NCK1: variants seen among roughly 807,000 people sequenced by gnomAD.
NCK1 encodes the protein SH2/SH3 adapter protein NCK1.
NCK1 carries 19 observed loss-of-function variants against 36.6 expected under a neutral mutation model. The observed-to-expected ratio is 0.52, with a 90% CI of 0.36 to 0.76. The LOEUF (loss-of-function observed/expected upper bound fraction) is 0.76. Among genes scored for constraint, NCK1 ranks in the 30% least tolerant of loss-of-function variants. The pLI is 0.00. For synonymous variants in NCK1, 165 were observed against 156.0 expected, an observed-to-expected ratio of 1.06 and a Z score of -0.43; for missense variants, 358 against 445.6, an observed-to-expected ratio of 0.80 and a Z score of 1.77.
intron 2 of NCK1, among the ~76,000 whole-genome samples, chr3:136,933,525 C>G (rs541036844): frequency 6.6e-6 from 1 of 151,806 alleles, no homozygotes; most frequent in Admixed American, 6.6e-5. Flanking sequence ...GAAGTAAAGA[C>G]CAGTGGGTGG....
At chr3:136,877,528 T>G (rs1281471532) in intron 1 of NCK1, among the ~76,000 whole-genome samples, 1 of 152,160 alleles carries the variant, frequency 6.6e-6, no homozygotes, top group East Asian at 1.9e-4. Context: ...GAATGAAGGC[T>G]AAAAATAATT....
chr3:136,872,642 C>T (rs1246546987), intron 1 of NCK1, among the ~76,000 whole-genome samples: 4 of 152,196 alleles, frequency 2.6e-5, no homozygotes. Context: ...TTCATGGCAG[C>T]CCCTCCCATC....
chr3:136,895,384 TAAAATTGCCATACCACCTTTTTTAA>T lies in NCK1; in HGVS notation c.-18-32552_-18-32528del, dbSNP rs1420419239. ...GCAATAAAATTGTTTTGTCTGACAT[TAAAATTGCCATACCACCTTTTTTAA>T]AAAATTGCCATACCACCTTTTTTAA... On this transcript the variant is annotated intron_variant, in intron 1 of 3. Transcript: ENST00000481752. Among the ~76,000 whole-genome samples, 10 of 151,798 alleles carry T rather than the reference TAAAATTGCCATACCACCTTTTTTAA, an allele frequency of 6.6e-5. No individual in the cohort carries two copies. In the South Asian group the frequency reaches 8.3e-4, roughly 13 times the overall value.
intron 1 of NCK1, among the ~76,000 whole-genome samples, chr3:136,906,817 A>G (rs1939699046): frequency 6.6e-6 from 1 of 152,108 alleles, no homozygotes; most frequent in Admixed American, 6.5e-5. Context: ...GAATAGGTCC[A>G]ATCTCAGACC....
intron 1 of NCK1, among the ~76,000 whole-genome samples, chr3:136,923,808 A>G (rs752712322): frequency 6.6e-6 from 1 of 152,242 alleles, no homozygotes; most frequent in African/African-American, 2.4e-5. Context: ...AATGTTTTAC[A>G]TAATTATGAA....
At chr3:136,912,883 C>T (rs1421308940) in intron 1 of NCK1, among the ~76,000 whole-genome samples, 1 of 151,974 alleles carries the variant, frequency 6.6e-6, no homozygotes. Flanking sequence ...GTCTTGATAT[C>T]CTGGACTCAA....
intron 2 of NCK1, among the ~76,000 whole-genome samples, chr3:136,934,669 T>TC (rs1004245619): frequency 1.3e-5 from 2 of 152,052 alleles, no homozygotes; most frequent in Non-Finnish European, 2.9e-5. Context: ...TGCCCACCCT[T>TC]CCCCTTCAAG....
chr3:136,879,670 C>G (rs1021528307), intron 1 of NCK1, among the ~76,000 whole-genome samples: 2 of 152,102 alleles, frequency 1.3e-5, no homozygotes, highest in African/African-American at 4.8e-5. Flanking sequence ...CCATGGAATA[C>G]TATGCAGCCA....
chr3:136,925,514 T>A (rs574870004), intron 1 of NCK1, among the ~76,000 whole-genome samples: 127 of 152,276 alleles, frequency 8.3e-4, no homozygotes, highest in Non-Finnish European at 1.6e-3. Context: ...CATACTTACT[T>A]CCCTCCTGTT....
chr3:136,869,875 C>G (rs887636526), intron 1 of NCK1, among the ~76,000 whole-genome samples: 4 of 152,014 alleles, frequency 2.6e-5, no homozygotes, highest in African/African-American at 7.3e-5. Context: ...AACACTGATT[C>G]TCTTGTTTCT....
At chr3:136,863,083 G>A (rs539672253) in intron 1 of NCK1, among the ~76,000 whole-genome samples, 2 of 152,068 alleles carry the variant, frequency 1.3e-5, no homozygotes, top group East Asian at 3.9e-4. Context: ...GTTTTGTTCA[G>A]GGGTGAGGAC....
intron 1 of NCK1, among the ~76,000 whole-genome samples, chr3:136,883,026 C>T (rs1397910459): frequency 6.6e-6 from 1 of 152,208 alleles, no homozygotes; most frequent in Non-Finnish European, 1.5e-5. Context: ...TCAAGCAATT[C>T]TTGTGCCTCA....
rs76228243 is a variant in NCK1, at chr3:136,898,461, A to G, written c.-18-29523A>G. Among the ~76,000 whole-genome samples the G allele has an allele frequency of 7.1e-4, 108 of 152,176 alleles. 2 individuals are homozygous for G. In the East Asian group the frequency reaches 0.02, roughly 28 times the overall value. On this transcript the variant is annotated intron_variant, in intron 1 of 3. Coordinates refer to ENST00000481752, the MANE Select transcript of NCK1 (RefSeq NM_001291999.2). ...TTCAAAACATTTCCACTTTTATTAAAGGTTTTGACAATGAAGATATCACTA... is the reference window on the plus strand; with the variant it reads ...TTCAAAACATTTCCACTTTTATTAAGGGTTTTGACAATGAAGATATCACTA...
At chr3:136,864,103 A>G (rs540021850) in intron 1 of NCK1, among the ~76,000 whole-genome samples, 1 of 151,534 alleles carries the variant, frequency 6.6e-6, no homozygotes, top group East Asian at 2.0e-4. Flanking sequence ...TCCGTCTCAA[A>G]AAAATAAATA....
intron 2 of NCK1, among the ~76,000 whole-genome samples, chr3:136,937,810 TCTCA>T (rs984957120): frequency 6.6e-6 from 1 of 152,106 alleles, no homozygotes; most frequent in Non-Finnish European, 1.5e-5. Context: ...ATTTTTTTAT[TCTCA>T]CTCTGTGTGA....
intron 2 of NCK1, among the ~76,000 whole-genome samples, chr3:136,940,627 C>T (rs1032370948): frequency 6.6e-6 from 1 of 152,104 alleles, no homozygotes; most frequent in Non-Finnish European, 1.5e-5. Context: ...TCACTGCAAC[C>T]TCCGCCTCCC....
At chr3:136,903,062 A>G (rs186892547) in intron 1 of NCK1, among the ~76,000 whole-genome samples, 4 of 152,306 alleles carry the variant, frequency 2.6e-5, no homozygotes, top group Admixed American at 2.6e-4. Flanking sequence ...GTCCCTAACT[A>G]TTATCGTAGT....
At chr3:136,919,006 G>C (rs866253118) in intron 1 of NCK1, among the ~76,000 whole-genome samples, 4 of 152,104 alleles carry the variant, frequency 2.6e-5, no homozygotes, top group East Asian at 1.9e-4. Context: ...TGGTTCGTCC[G>C]TACAATGGAC....
At chr3:136,881,324 GTTC>G (rs1938927895) in intron 1 of NCK1, among the ~76,000 whole-genome samples, 1 of 152,050 alleles carries the variant, frequency 6.6e-6, no homozygotes, top group Admixed American at 6.6e-5. Context: ...GGTTCAAGCA[GTTC>G]TTCTTCCTCA....
Sources: gnomAD v4.1 joint callset for allele counts (sites outside exome capture counted in the v4.1 genomes callset) on GRCh38, gnomAD v4.1.1 for gene constraint, MANE v1.5 for transcripts, NCBI Gene and HGNC (gene_info 2026-07-23, HGNC 2026-07-21) for gene names.